The following CBLB variants were observed in gnomAD, a reference collection of about 807,000 sequenced individuals.
CBLB encodes Cbl proto-oncogene B.
In CBLB, 31 loss-of-function variants were observed where a neutral mutation model predicts 104.9. That is an observed-to-expected ratio of 0.30 (90% CI 0.22 to 0.40). The LOEUF is 0.40. Among genes scored for constraint, CBLB ranks in the 10% least tolerant of loss-of-function variants. The pLI, the probability that CBLB is intolerant of heterozygous loss-of-function variation, is 1.00. For missense variants in CBLB, 1,062 were observed against 1,214.6 expected, an observed-to-expected ratio of 0.87 and a Z score of 1.87; for synonymous variants, 440 against 422.6, an observed-to-expected ratio of 1.04 and a Z score of -0.51.
chr3:105,689,340 T>C (rs973744577), intron 13 of CBLB, among the ~76,000 whole-genome samples: 4 of 151,228 alleles, frequency 2.6e-5, no homozygotes, highest in African/African-American at 9.7e-5. Flanking sequence ...TATAAGAATA[T>C]ATATTCATAA....
At chr3:105,844,613 C>G in intron 3 of CBLB, among the ~76,000 whole-genome samples, 1 of 152,236 alleles carries the variant, frequency 6.6e-6, no homozygotes, top group South Asian at 2.1e-4. Context: ...AACTCATGCT[C>G]AAACAATAAA....
intron 3 of CBLB, among the ~76,000 whole-genome samples, chr3:105,787,343 A>G (rs2081140538): frequency 6.6e-6 from 1 of 152,216 alleles, no homozygotes; most frequent in Non-Finnish European, 1.5e-5. Flanking sequence ...GGAAGAAAAC[A>G]CAGTGCTGAC....
At chr3:105,823,023 GC>G (rs1181639953) in intron 3 of CBLB, among the ~76,000 whole-genome samples, 1 of 152,152 alleles carries the variant, frequency 6.6e-6, no homozygotes, top group African/African-American at 2.4e-5. Context: ...TCCGTTCAAT[GC>G]CCTATTCATC....
At chr3:105,813,521 G>C (rs1303685985) in intron 3 of CBLB, among the ~76,000 whole-genome samples, 1 of 151,924 alleles carries the variant, frequency 6.6e-6, no homozygotes, top group African/African-American at 2.4e-5. Context: ...ATAAAAATGA[G>C]TCCTAATTTC....
chr3:105,694,023 A>G (rs1394052038), intron 12 of CBLB, among the ~76,000 whole-genome samples: 1 of 151,976 alleles, frequency 6.6e-6, no homozygotes, highest in African/African-American at 2.4e-5. Context: ...TCCATGGTGA[A>G]CGGAACATTC....
intron 4 of CBLB, among the ~76,000 whole-genome samples, chr3:105,769,471 T>A (rs947899024): frequency 5.9e-5 from 9 of 152,206 alleles, no homozygotes; most frequent in Admixed American, 5.9e-4. Flanking sequence ...AGCAGTTCAC[T>A]GTAATATATT....
chr3:105,684,297 G>A (rs1195481736), intron 14 of CBLB, among the ~76,000 whole-genome samples: 1 of 152,106 alleles, frequency 6.6e-6, no homozygotes, highest in Admixed American at 6.5e-5. Flanking sequence ...TTGTAGCTGG[G>A]AGTACTGAGT....
intron 3 of CBLB, among the ~76,000 whole-genome samples, chr3:105,817,990 T>G (rs1307610639): frequency 1.3e-5 from 2 of 152,182 alleles, no homozygotes; most frequent in Admixed American, 6.5e-5. Flanking sequence ...ATAAACAATT[T>G]TTTTCCCAAA....
chr3:105,699,831 G>C (rs2068845470), intron 12 of CBLB, among the ~76,000 whole-genome samples: 1 of 152,036 alleles, frequency 6.6e-6, no homozygotes, highest in African/African-American at 2.4e-5. Context: ...TAAACAATTA[G>C]GTTGAAATTA....
Position 105,868,926 on chromosome 3 carries a change from C to T in CBLB, c.-205G>A. The T allele has an allele frequency of 9.8e-7, 1 of 1,023,374 alleles. No homozygotes were observed. The highest frequency in any genetic ancestry group is 1.2e-6 in the Non-Finnish European group (1 of 854,588). The allele number at this position is 1,023,374 out of a possible 1,614,324, so 63.4% of individuals were successfully genotyped here. On this transcript the variant is annotated 5_prime_UTR_variant, in exon 1 of 19. Transcript: ENST00000394030. ...GCAACAATTACCGTCAAGACAAATC[C>T]ACACCCGCTCTCCCCTCCCGCCCGA...
At chr3:105,773,937 C>T (rs2152958570) in intron 4 of CBLB, among the ~76,000 whole-genome samples, 1 of 152,332 alleles carries the variant, frequency 6.6e-6, no homozygotes, top group South Asian at 2.1e-4. Context: ...GGCTGCTGGG[C>T]TTGGGCCCTG....
At chr3:105,699,249 A>C (rs1324636191) in intron 12 of CBLB, among the ~76,000 whole-genome samples, 2 of 152,212 alleles carry the variant, frequency 1.3e-5, no homozygotes, top group Non-Finnish European at 2.9e-5. Flanking sequence ...TTCGGTTTAA[A>C]AAACAGACAA....
At chr3:105,690,381 T>C (rs572353347) in intron 13 of CBLB, among the ~76,000 whole-genome samples, 1 of 152,280 alleles carries the variant, frequency 6.6e-6, no homozygotes, top group African/African-American at 2.4e-5. Context: ...CTCACTGTTA[T>C]TGTCAGGTTT....
intron 4 of CBLB, among the ~76,000 whole-genome samples, chr3:105,770,940 T>TA (rs2078807245): frequency 6.6e-6 from 1 of 152,156 alleles, no homozygotes; most frequent in South Asian, 2.1e-4. Context: ...CAGGACAAGA[T>TA]AGATTCACAA....
At position 105,702,214 on chromosome 3, in the gene CBLB, G is replaced by T; in HGVS notation, c.1839C>A (p.Gly613=). The change falls in exon 12 of 19, where the codon GGC becomes GGA. Residue 613 remains glycine, a synonymous_variant. Transcript: ENST00000394030. ...QLVGCRLLGE[G]SPKPGITASS... ...TCGCTGTGATTCCAGGTTTTGGAGA[G>T]CCCTCCCCTAGGAGTCGACATCCCA... 6.2e-7 allele frequency: 1 copy of T among 1,614,092 alleles called. No homozygotes were observed. The highest frequency in any genetic ancestry group is 8.5e-7 in the Non-Finnish European group (1 of 1,180,004).
At chr3:105,781,564 A>T (rs1312940549) in intron 3 of CBLB, among the ~76,000 whole-genome samples, 1 of 152,220 alleles carries the variant, frequency 6.6e-6, no homozygotes, top group African/African-American at 2.4e-5. Context: ...TAAATAAAAG[A>T]AATAGAAAAT....
At chr3:105,717,528 A>G (rs1041446962) in intron 10 of CBLB, among the ~76,000 whole-genome samples, 11 of 152,234 alleles carry the variant, frequency 7.2e-5, no homozygotes, top group African/African-American at 2.7e-4. Context: ...AAAATGTAAA[A>G]TCATTTTTAA....
intron 2 of CBLB, among the ~76,000 whole-genome samples, chr3:105,859,547 TG>T (rs1407741010): frequency 9.3e-5 from 14 of 150,894 alleles, no homozygotes; most frequent in Admixed American, 9.3e-4. Context: ...CCCAGGAACT[TG>T]GGAGGCTGAG....
At chr3:105,687,570 A>T (rs1043206498) in intron 13 of CBLB, among the ~76,000 whole-genome samples, 1 of 152,062 alleles carries the variant, frequency 6.6e-6, no homozygotes. Flanking sequence ...TCTAGAAGTG[A>T]AAAAATAGTT....
Sources: gnomAD v4.1 joint callset for allele counts (sites outside exome capture counted in the v4.1 genomes callset) on GRCh38, gnomAD v4.1.1 for gene constraint, MANE v1.5 for transcripts, NCBI Gene and HGNC (gene_info 2026-07-23, HGNC 2026-07-21) for gene names.